The following SYNE2 variants were observed in gnomAD, a reference collection of about 807,000 sequenced individuals.
SYNE2 encodes the protein spectrin repeat containing nuclear envelope protein 2, also known as nesprin-2.
Under a neutral mutation model 856.3 loss-of-function variants are expected in SYNE2, and 431 were observed. The observed-to-expected ratio is 0.50, with a 90% CI of 0.47 to 0.55. The LOEUF (loss-of-function observed/expected upper bound fraction) is 0.55, where lower values mean the gene tolerates loss of function less well. Ranked by LOEUF, SYNE2 falls within the 20% of genes least tolerant of loss-of-function variation. SYNE2 has a pLI of 0.00. For missense variants in SYNE2, 8,129 were observed against 8,023.2 expected, an observed-to-expected ratio of 1.01 and a Z score of -0.50; for synonymous variants, 2,923 against 2,872.3, an observed-to-expected ratio of 1.02 and a Z score of -0.56.
At chr14:63,939,349 T>TTC (rs1471536564) in intron 2 of SYNE2, among the ~76,000 whole-genome samples, 1 of 138,610 alleles carries the variant, frequency 7.2e-6, no homozygotes, top group Non-Finnish European at 1.5e-5. Context: ...TTTTTTTTCT[T>TTC]TTTTTTTTTT....
At position 64,193,268 on chromosome 14, in the gene SYNE2, G is replaced by A. The variant is rs537013762; in HGVS notation, c.18038+3031G>A. Among the ~76,000 whole-genome samples, 9 of 152,306 alleles carry A rather than the reference G, an allele frequency of 5.9e-5. No homozygotes were observed. The South Asian group carries it at 6.2e-4, about 11-fold the overall frequency. On this transcript the variant is annotated intron_variant, in intron 99 of 115. Transcript: ENST00000555002. ...AGCAGCTCTTGTTAAAAATAAGATCGGCCAGGCATAGCGGCTCATGCCTGT... is the reference window on the plus strand; with the variant it reads ...AGCAGCTCTTGTTAAAAATAAGATCAGCCAGGCATAGCGGCTCATGCCTGT...
At chr14:63,818,142 C>T (rs867689437) in intron 1 of SYNE2, among the ~76,000 whole-genome samples, 1 of 151,596 alleles carries the variant, frequency 6.6e-6, no homozygotes, top group Non-Finnish European at 1.5e-5. Flanking sequence ...TCAGGAGATC[C>T]TGGCCAACAT....
chr14:64,210,269 A>C, intron 103 of SYNE2, 145 bp downstream of exon 103: 1 of 1,102,316 alleles, frequency 9.1e-7, no homozygotes, highest in Admixed American at 2.8e-5. Flanking sequence ...AACACAAAGA[A>C]GCCCAAAGCT....
At chr14:64,133,744 G>T (rs924509950) in intron 77 of SYNE2, among the ~76,000 whole-genome samples, 1 of 152,158 alleles carries the variant, frequency 6.6e-6, no homozygotes, top group African/African-American at 2.4e-5. Context: ...GTGGCTCCAA[G>T]GTCTCTACGG....
rs1347386003 is a variant in SYNE2 at position 64,167,477 on chromosome 14, TGTTTTA to T, written c.16761-17_16761-12del. On this transcript the variant is annotated splice_polypyrimidine_tract_variant and intron_variant, in intron 91 of 115. Transcript: ENST00000555002. The stretch of plus-strand genomic sequence containing the variant: ...TGGCATTGTTAACATGGGTGTGTTT[TGTTTTA>T]AACCTTTGTAGTGAGCTTCAGGGAA... 1 of 1,614,258 alleles carries T rather than the reference TGTTTTA, an allele frequency of 6.2e-7. No homozygotes were observed. Among genetic ancestry groups the T allele is most frequent in the South Asian group, 1.1e-5 (1 of 91,086 alleles).
rs374499728 is a variant in SYNE2 at position 64,167,430 on chromosome 14, A to G, written c.16760+43A>G. 493 of 1,614,134 alleles carry G rather than the reference A, an allele frequency of 3.1e-4. 3 individuals are homozygous for G. The highest frequency in any genetic ancestry group is 5.0e-4 in the South Asian group (46 of 91,090). On this transcript the variant is annotated intron_variant, in intron 91 of 115. Coordinates refer to ENST00000555002, the MANE Select transcript of SYNE2 (RefSeq NM_182914.3). ...CTGTCGTTGTTTCAATTAAGGTAAA[A>G]TTAACGGCTTCAGCTCGGGAATGGC...
At chr14:63,867,318 T>C (rs548177850) in intron 1 of SYNE2, among the ~76,000 whole-genome samples, 1 of 151,640 alleles carries the variant, frequency 6.6e-6, no homozygotes, top group Non-Finnish European at 1.5e-5. Context: ...TTAATATAGT[T>C]ACCAAACTAA....
At chr14:63,979,983 A>G (rs1050437079) in intron 14 of SYNE2, among the ~76,000 whole-genome samples, 14 of 152,352 alleles carry the variant, frequency 9.2e-5, no homozygotes, top group African/African-American at 2.9e-4. Context: ...TAAAAAAATG[A>G]TAAAGAGAAA....
chr14:63,989,270 G>A (rs1281297988), intron 19 of SYNE2, among the ~76,000 whole-genome samples: 3 of 152,156 alleles, frequency 2.0e-5, no homozygotes, highest in Non-Finnish European at 4.4e-5. Flanking sequence ...TATTTATGCA[G>A]TCATGTCTAT....
chr14:63,864,015 G>A (rs1442530518), intron 1 of SYNE2, among the ~76,000 whole-genome samples: 1 of 152,048 alleles, frequency 6.6e-6, no homozygotes, highest in Non-Finnish European at 1.5e-5. Context: ...TAGAAACGGG[G>A]TTAGCCAGGC....
intron 84 of SYNE2, among the ~76,000 whole-genome samples, chr14:64,150,571 T>G (rs1198809136): frequency 6.6e-6 from 1 of 150,420 alleles, no homozygotes; most frequent in Non-Finnish European, 1.5e-5. Flanking sequence ...TGTGTGTGTG[T>G]TGTTACTTCC....
intron 87 of SYNE2, among the ~76,000 whole-genome samples, chr14:64,161,105 A>G (rs1595907285): frequency 1.3e-5 from 2 of 152,240 alleles, no homozygotes; most frequent in Admixed American, 1.3e-4. Context: ...GCACTTTGGG[A>G]GGCCGAGGTG....
At chr14:63,911,828 G>A (rs2297622) in intron 2 of SYNE2, among the ~76,000 whole-genome samples, 1 of 152,192 alleles carries the variant, frequency 6.6e-6, no homozygotes. Flanking sequence ...CTTATAAGTA[G>A]CTCAAAATAA....
intron 83 of SYNE2, among the ~76,000 whole-genome samples, 171 bp from the exon 84 acceptor site, chr14:64,145,897 A>T (rs145637980): frequency 6.6e-6 from 1 of 152,300 alleles, no homozygotes; most frequent in East Asian, 1.9e-4. Context: ...AGGAGCTTTA[A>T]CTCTGTTTTC....
At chr14:63,874,696 TG>T (rs1391919119) in intron 1 of SYNE2, among the ~76,000 whole-genome samples, 2 of 152,132 alleles carry the variant, frequency 1.3e-5, no homozygotes, top group Non-Finnish European at 2.9e-5. Flanking sequence ...ACTTTACAAG[TG>T]GGTAACCTCA....
chr14:64,037,946 C>T (rs1313886302), intron 45 of SYNE2, among the ~76,000 whole-genome samples: 3 of 151,876 alleles, frequency 2.0e-5, no homozygotes, highest in East Asian at 3.9e-4. Flanking sequence ...GGGGCTGACC[C>T]CCCCACCTCC....
At chr14:63,909,334 T>A (rs1405665105) in intron 2 of SYNE2, 107 bp downstream of exon 2, 1 of 658,302 alleles carries the variant, frequency 1.5e-6, no homozygotes, top group African/African-American at 1.8e-5. Flanking sequence ...GATAAATATA[T>A]CTGTATTTTT....
chr14:63,930,893 A>G (rs2095745216), intron 2 of SYNE2, among the ~76,000 whole-genome samples: 1 of 152,154 alleles, frequency 6.6e-6, no homozygotes, highest in African/African-American at 2.4e-5. Context: ...ATAGCAAATT[A>G]TTGAACCTGA....
intron 6 of SYNE2, among the ~76,000 whole-genome samples, chr14:63,948,166 T>TACACACAC (rs59063086): frequency 0.034 from 4,945 of 147,308 alleles, 86 homozygotes; most frequent in Middle Eastern, 0.055. Context: ...GACACACACA[T>TACACACAC]ACACACACAC....
Sources: gnomAD v4.1 joint callset for allele counts (sites outside exome capture counted in the v4.1 genomes callset) on GRCh38, gnomAD v4.1.1 for gene constraint, MANE v1.5 for transcripts, NCBI Gene and HGNC (gene_info 2026-07-23, HGNC 2026-07-21) for gene names.